Variants in LRMDA observed in about 807,000 individuals in gnomAD.
LRMDA encodes the protein leucine rich melanocyte differentiation associated.
A neutral mutation model predicts 29.8 loss-of-function variants in LRMDA; 18 were observed. The ratio of observed to expected loss-of-function variants is 0.60; its 90% CI spans 0.42 to 0.90. The LOEUF is 0.90. Ranked by LOEUF, LRMDA falls within the 40% of genes least tolerant of loss-of-function variation. The pLI, the probability that LRMDA is intolerant of heterozygous loss-of-function variation, is 0.00. For missense variants in LRMDA, 273 were observed against 273.9 expected, an observed-to-expected ratio of 1.00 and a Z score of 0.02; for synonymous variants, 125 against 109.4, an observed-to-expected ratio of 1.14 and a Z score of -0.89.
intron 2 of LRMDA, among the ~76,000 whole-genome samples, chr10:75,729,039 G>C (rs1191813097): frequency 2.0e-5 from 3 of 152,102 alleles, no homozygotes; most frequent in South Asian, 4.1e-4. Context: ...CTCTGGGAAG[G>C]CTTTCCTGAT....
At chr10:76,465,581 C>G (rs1305467916) in intron 6 of LRMDA, among the ~76,000 whole-genome samples, 2 of 152,196 alleles carry the variant, frequency 1.3e-5, no homozygotes, top group Non-Finnish European at 2.9e-5. Context: ...CTTTGAGGAT[C>G]TGTTTTGTAC....
intron 1 of LRMDA, among the ~76,000 whole-genome samples, chr10:75,435,678 G>T (rs1479865697): frequency 1.3e-5 from 2 of 152,218 alleles, no homozygotes; most frequent in Non-Finnish European, 2.9e-5. Context: ...GCTGCTGACA[G>T]TCTCATCAGA....
At chr10:76,490,765 C>T (rs180860011) in intron 6 of LRMDA, among the ~76,000 whole-genome samples, 32 of 151,886 alleles carry the variant, frequency 2.1e-4, no homozygotes, top group African/African-American at 7.5e-4. Context: ...GAATTCAGTC[C>T]ATTTACATGT....
At chr10:76,182,761 G>A (rs1025032101) in intron 5 of LRMDA, among the ~76,000 whole-genome samples, 3 of 152,172 alleles carry the variant, frequency 2.0e-5, no homozygotes, top group African/African-American at 7.2e-5. Context: ...ACTGTGGAAG[G>A]AGAGAAAAGC....
chr10:76,429,258 A>G (rs1471186315), intron 6 of LRMDA, among the ~76,000 whole-genome samples: 1 of 152,162 alleles, frequency 6.6e-6, no homozygotes, highest in Non-Finnish European at 1.5e-5. Context: ...TAGTGCAGCC[A>G]TGCGAATAAT....
chr10:76,406,632 T>C (rs899855796), intron 6 of LRMDA, among the ~76,000 whole-genome samples: 11 of 152,032 alleles, frequency 7.2e-5, no homozygotes, highest in Admixed American at 2.0e-4. Context: ...GGGAGTAGAG[T>C]TGGCTATGAC....
chr10:76,211,856 A>G (rs779346998), intron 5 of LRMDA, among the ~76,000 whole-genome samples: 2 of 152,228 alleles, frequency 1.3e-5, no homozygotes, highest in African/African-American at 2.4e-5. Context: ...AGAGTCTCAC[A>G]AATAGTTCTC....
chr10:75,578,905 C>T (rs913550478), intron 2 of LRMDA, among the ~76,000 whole-genome samples: 6 of 150,242 alleles, frequency 4.0e-5, no homozygotes, highest in African/African-American at 7.3e-5. Flanking sequence ...CTCTGGGACA[C>T]ATTTAAAGTA....
chr10:75,639,156 C>T (rs1001025844), intron 2 of LRMDA, among the ~76,000 whole-genome samples: 5 of 152,298 alleles, frequency 3.3e-5, no homozygotes, highest in African/African-American at 1.2e-4. Context: ...GCGTTCCCCA[C>T]CTGTGATACG....
chr10:75,882,237 G>A (rs1437758743), intron 2 of LRMDA, among the ~76,000 whole-genome samples: 1 of 152,152 alleles, frequency 6.6e-6, no homozygotes, highest in Non-Finnish European at 1.5e-5. Flanking sequence ...TGGTGGCCAG[G>A]AATCTTATTT....
intron 5 of LRMDA, among the ~76,000 whole-genome samples, chr10:76,144,632 CT>C (rs767864099): frequency 8.1e-4 from 123 of 152,314 alleles, no homozygotes; most frequent in Non-Finnish European, 1.3e-3. Flanking sequence ...ATCATGTCAT[CT>C]GCAAAGAGGG....
rs558733492 is a variant in LRMDA, at chr10:76,034,833, C to G, written c.132-1175C>G. Among the ~76,000 whole-genome samples the G allele has an allele frequency of 6.6e-5, 10 of 152,262 alleles. No homozygotes were observed. In the South Asian group the frequency reaches 1.2e-3, roughly 19 times the overall value. On this transcript the variant is annotated intron_variant, in intron 2 of 6. Transcript: ENST00000611255. ...CGGCATCCCCTACGTGTCTCCCTCC[C>G]GTCCACATCGTAGCTCAGCTGTCAG...
At chr10:76,007,654 T>C (rs4745804) in intron 2 of LRMDA, among the ~76,000 whole-genome samples, 72,865 of 151,968 alleles carry the variant, frequency 0.48, 17,671 homozygotes, top group African/African-American at 0.52. Context: ...GGACATCTCC[T>C]GGCATCACAA....
In LRMDA at chr10:76,557,129, C is replaced by G. The variant is rs143280887; in HGVS notation, c.602-80C>G. 420 of 1,102,622 alleles carry G rather than the reference C, an allele frequency of 3.8e-4. No individual in the cohort carries two copies. In the African/African-American group the frequency reaches 5.8e-3, roughly 15 times the overall value. 68.3% of individuals were successfully genotyped at this position (1,102,622 alleles called of 1,614,324 possible). On this transcript the variant is annotated intron_variant, in intron 6 of 6. Transcript: ENST00000611255. ...GCCCATTGGATCTATGATTATCTTG[C>G]ATGTCTGCTTTTCAGCACCTGTGTT...
chr10:75,539,829 T>A (rs1215095973), intron 2 of LRMDA, among the ~76,000 whole-genome samples: 1 of 151,658 alleles, frequency 6.6e-6, no homozygotes, highest in Non-Finnish European at 1.5e-5. Context: ...ACATTTGCAT[T>A]CACTCCCTAT....
At chr10:75,499,024 G>T (rs1035520075) in intron 2 of LRMDA, among the ~76,000 whole-genome samples, 3 of 152,080 alleles carry the variant, frequency 2.0e-5, no homozygotes, top group African/African-American at 7.2e-5. Flanking sequence ...TGATCTGGAT[G>T]CACAGGCTGG....
chr10:75,998,795 G>A (rs1847514935), intron 2 of LRMDA, among the ~76,000 whole-genome samples: 1 of 152,188 alleles, frequency 6.6e-6, no homozygotes, highest in South Asian at 2.1e-4. Flanking sequence ...TAATTTGGGA[G>A]TTCAATATGG....
chr10:76,424,454 G>A (rs531086641), intron 6 of LRMDA, among the ~76,000 whole-genome samples: 84 of 152,262 alleles, frequency 5.5e-4, no homozygotes, highest in Non-Finnish European at 1.1e-3. Context: ...CAGGAGAATT[G>A]CGTGAACCTG....
At chr10:76,096,698 G>T (rs1227042528) in intron 5 of LRMDA, among the ~76,000 whole-genome samples, 1 of 152,082 alleles carries the variant, frequency 6.6e-6, no homozygotes, top group African/African-American at 2.4e-5. Flanking sequence ...ATTTTTGAGA[G>T]AATTGACATC....
Sources: allele counts gnomAD v4.1 joint callset (sites outside exome capture counted in the v4.1 genomes callset), GRCh38; gene constraint gnomAD v4.1.1; transcripts MANE v1.5; gene names NCBI Gene and HGNC (gene_info 2026-07-23, HGNC 2026-07-21).